Variants in SAMD3 observed in about 807,000 individuals in gnomAD.
SAMD3 encodes sterile alpha motif domain containing 3.
Under a neutral mutation model 58.5 loss-of-function variants are expected in SAMD3, and 63 were observed. That is an observed-to-expected ratio of 1.08 (90% CI 0.88 to 1.33). The LOEUF is 1.33. SAMD3 is among the 40% of genes most tolerant of loss of function. SAMD3 has a pLI of 0.00. For synonymous variants in SAMD3, 220 were observed against 210.3 expected, an observed-to-expected ratio of 1.05 and a Z score of -0.40; for missense variants, 604 against 608.4, an observed-to-expected ratio of 0.99 and a Z score of 0.08.
At chr6:130,205,713 T>C (rs1046868424) in intron 5 of SAMD3, among the ~76,000 whole-genome samples, 2 of 152,184 alleles carry the variant, frequency 1.3e-5, no homozygotes, top group African/African-American at 4.8e-5. Flanking sequence ...GAAGCACTTA[T>C]AGTCTAATGA....
At chr6:130,328,879 A>G (rs1308314486) in intron 1 of SAMD3, among the ~76,000 whole-genome samples, 1 of 152,254 alleles carries the variant, frequency 6.6e-6, no homozygotes, top group Admixed American at 6.5e-5. Context: ...ATCTAAGTGG[A>G]AAGCAAGTAA....
chr6:130,308,420 ATTCTATTCTATTCTATTCTT>A (rs1562513229), intron 2 of SAMD3, among the ~76,000 whole-genome samples: 1 of 114,582 alleles, frequency 8.7e-6, no homozygotes. Flanking sequence ...ATTCTATTCT[ATTCTATTCTATTCTATTCTT>A]TTGTGTGTGT....
chr6:130,163,709 T>C (rs544493988), intron 8 of SAMD3, among the ~76,000 whole-genome samples: 4 of 152,168 alleles, frequency 2.6e-5, no homozygotes, highest in Non-Finnish European at 5.9e-5. Flanking sequence ...ATAAAATAAT[T>C]AGTATTTATG....
chr6:130,277,977 A>G (rs1774840912), intron 2 of SAMD3, among the ~76,000 whole-genome samples: 1 of 152,200 alleles, frequency 6.6e-6, no homozygotes. Flanking sequence ...TAGGACTAAC[A>G]AAGTAGCCAC....
At chr6:130,229,267 C>T (rs966325333) in intron 2 of SAMD3, among the ~76,000 whole-genome samples, 1 of 152,184 alleles carries the variant, frequency 6.6e-6, no homozygotes, top group South Asian at 2.1e-4. Flanking sequence ...TGATAGAAAA[C>T]TACATGTCCG....
chr6:130,296,843 A>T (rs1316063818), intron 2 of SAMD3, among the ~76,000 whole-genome samples: 1 of 152,132 alleles, frequency 6.6e-6, no homozygotes, highest in African/African-American at 2.4e-5. Context: ...AGTCTTTATG[A>T]AATAAGGGTC....
chr6:130,328,443 G>A (rs1046038472), intron 1 of SAMD3, among the ~76,000 whole-genome samples: 1 of 152,146 alleles, frequency 6.6e-6, no homozygotes, highest in Non-Finnish European at 1.5e-5. Context: ...CCACTTATGT[G>A]CCATCAATGC....
intron 1 of SAMD3, among the ~76,000 whole-genome samples, chr6:130,325,243 G>A (rs764046235): frequency 1.3e-5 from 2 of 152,154 alleles, no homozygotes; most frequent in Non-Finnish European, 2.9e-5. Flanking sequence ...ATATGATTAT[G>A]GAGGCCAAGA....
chr6:130,160,067 G>A (rs1410274374), intron 8 of SAMD3: 4 of 152,144 alleles, frequency 2.6e-5, no homozygotes, highest in Non-Finnish European at 5.9e-5. Flanking sequence ...ATTTGGCACT[G>A]TCTTACAGAG....
At chr6:130,321,797 T>G (rs1240416684) in intron 1 of SAMD3, among the ~76,000 whole-genome samples, 1 of 152,008 alleles carries the variant, frequency 6.6e-6, no homozygotes, top group African/African-American at 2.4e-5. Flanking sequence ...ATTTGACACC[T>G]TTATATAAAA....
At chr6:130,278,594 C>G (rs3914333) in intron 2 of SAMD3, among the ~76,000 whole-genome samples, 47,288 of 151,958 alleles carry the variant, frequency 0.31, 7,736 homozygotes, top group East Asian at 0.47. Flanking sequence ...GTCTTTTAGT[C>G]CTGTCAAAAT....
At chr6:130,356,343 G>A (rs78590260) in intron 1 of SAMD3, among the ~76,000 whole-genome samples, 6 of 152,088 alleles carry the variant, frequency 3.9e-5, no homozygotes, top group African/African-American at 7.2e-5. Context: ...GGTCTGCCCC[G>A]GCTACAGATA....
chr6:130,155,968 A>G (rs373584029), intron 8 of SAMD3, among the ~76,000 whole-genome samples: 2 of 152,186 alleles, frequency 1.3e-5, no homozygotes, highest in East Asian at 3.8e-4. Context: ...ATACCAAGAA[A>G]GACTTGAGGG....
At chr6:130,260,638 G>A (rs1774090170) in intron 2 of SAMD3, among the ~76,000 whole-genome samples, 1 of 152,222 alleles carries the variant, frequency 6.6e-6, no homozygotes, top group Non-Finnish European at 1.5e-5. Context: ...CGGGAAGCAA[G>A]GTGATTGGCG....
intron 1 of SAMD3, among the ~76,000 whole-genome samples, chr6:130,319,663 A>G (rs1183405478): frequency 6.6e-6 from 1 of 152,184 alleles, no homozygotes; most frequent in African/African-American, 2.4e-5. Context: ...ATGATGCTAG[A>G]TGGAAATTTG....
At chr6:130,270,323 C>T (rs1774514392) in intron 2 of SAMD3, among the ~76,000 whole-genome samples, 1 of 152,190 alleles carries the variant, frequency 6.6e-6, no homozygotes, top group Non-Finnish European at 1.5e-5. Context: ...AAACTCCTGG[C>T]CTCAAGAGAT....
At chr6:130,203,864 T>A (rs747699715) in intron 5 of SAMD3, among the ~76,000 whole-genome samples, 8 of 152,216 alleles carry the variant, frequency 5.3e-5, no homozygotes, top group Non-Finnish European at 8.8e-5. Context: ...CCTTGCAGCT[T>A]CCCTTTATTA....
intron 10 of SAMD3, 53 bp from the exon 11 acceptor site, chr6:130,145,475 G>T (rs990870797): frequency 2.4e-6 from 3 of 1,265,276 alleles, no homozygotes; most frequent in Non-Finnish European, 3.4e-6. Context: ...TTTAGCAATT[G>T]TAAGCTAAGC....
upstream of SAMD3, among the ~76,000 whole-genome samples, chr6:130,225,150 A>C (rs1396782283): frequency 6.6e-6 from 1 of 152,162 alleles, no homozygotes; most frequent in African/African-American, 2.4e-5. Context: ...TTAACAAGTA[A>C]AAAATAATGT....
Sources: allele counts gnomAD v4.1 joint callset (sites outside exome capture counted in the v4.1 genomes callset), GRCh38; gene constraint gnomAD v4.1.1; transcripts MANE v1.5; gene names NCBI Gene and HGNC (gene_info 2026-07-23, HGNC 2026-07-21).